Variants in PCYT1B observed in about 807,000 individuals in gnomAD.
PCYT1B encodes choline-phosphate cytidylyltransferase B.
In PCYT1B, 10 loss-of-function variants were observed where a neutral mutation model predicts 26.4. That is an observed-to-expected ratio of 0.38 (90% CI 0.23 to 0.64). The LOEUF is 0.64. PCYT1B is among the 30% of genes least tolerant of loss of function. The pLI is 0.56. For synonymous variants in PCYT1B, 131 were observed against 108.4 expected (o/e 1.21, Z -1.29); for missense variants, 161 against 292.7 (o/e 0.55, Z 3.28).
chrX:24,629,592 A>AAAAAAC (rs1491555900), intron 1 of PCYT1B, among the ~76,000 whole-genome samples: 3 of 91,549 alleles, frequency 3.3e-5, no homozygotes, highest in East Asian at 6.7e-4. Flanking sequence ...AAAAAAAAAC[A>AAAAAAC]ACACGTATTT....
chrX:24,576,927 T>C (rs1924035710), intron 6 of PCYT1B, among the ~76,000 whole-genome samples: 1 of 112,121 alleles, frequency 8.9e-6, no homozygotes, highest in Non-Finnish European at 1.9e-5. Flanking sequence ...TAGATGAGCA[T>C]ATGATGAGTT....
chrX:24,593,464 TC>T (rs1434620067), intron 3 of PCYT1B, among the ~76,000 whole-genome samples: 1 of 20,044 alleles, frequency 5.0e-5, no homozygotes, highest in Admixed American at 6.9e-4. Flanking sequence ...TCTTTTCTTT[TC>T]TTTTCTTTTC....
At chrX:24,594,757 G>C (rs747599982) in intron 3 of PCYT1B, among the ~76,000 whole-genome samples, 53 of 111,764 alleles carry the variant, frequency 4.7e-4, no homozygotes, top group Non-Finnish European at 8.1e-4. Context: ...GGAGAGCTCT[G>C]GGCAGCGGTA....
chrX:24,572,258 A>ACG (rs756755932), intron 7 of PCYT1B, among the ~76,000 whole-genome samples: 1 of 103,182 alleles, frequency 9.7e-6, no homozygotes, highest in African/African-American at 3.5e-5. Context: ...ACATACACAC[A>ACG]CGCGCGCGCA....
intron 1 of PCYT1B, among the ~76,000 whole-genome samples, chrX:24,656,640 T>C (rs1460196082): frequency 2.2e-5 from 2 of 91,053 alleles, no homozygotes; most frequent in Non-Finnish European, 4.2e-5. Context: ...CACTGCAGCC[T>C]CTGCCTTCCG....
chrX:24,633,895 AG>A (rs1446137238), intron 1 of PCYT1B, among the ~76,000 whole-genome samples: 2 of 110,894 alleles, frequency 1.8e-5, no homozygotes, highest in Non-Finnish European at 3.8e-5. Context: ...TAAGAAAAAA[AG>A]CTTTACAAAA....
intron 2 of PCYT1B, among the ~76,000 whole-genome samples, chrX:24,612,737 G>C (rs978099793): frequency 1.8e-5 from 2 of 112,244 alleles, no homozygotes; most frequent in African/African-American, 6.5e-5. Context: ...TTTGGCAGTT[G>C]TTTAAAAAGT....
intron 4 of PCYT1B, among the ~76,000 whole-genome samples, chrX:24,588,366 T>C (rs949382604): frequency 1.8e-5 from 2 of 111,514 alleles, no homozygotes; most frequent in Non-Finnish European, 3.8e-5. Flanking sequence ...TTTTTGTTTT[T>C]GTTTTTGTTT....
In PCYT1B at chrX:24,643,321, C is replaced by T. The variant is rs759703456; in HGVS notation, c.117+3668G>A. 7.2e-5 allele frequency among the ~76,000 whole-genome samples: 8 copies of T among 111,514 alleles called. No individual in the cohort carries two copies. The South Asian group carries it at 2.7e-3, about 37-fold the overall frequency. ...GGCTATTACATCATATCACCCAAGG[C>T]CACTCAGTTTCTCATCTTGACAGTC... is the stretch of plus-strand genomic sequence containing the variant. On this transcript the variant is annotated intron_variant, in intron 1 of 7. Coordinates refer to ENST00000379144, the MANE Select transcript of PCYT1B (RefSeq NM_004845.5).
chrX:24,571,500 T>TATCATCATCATCATCATC (rs59226167), intron 7 of PCYT1B, among the ~76,000 whole-genome samples: 12 of 105,409 alleles, frequency 1.1e-4, no homozygotes, highest in East Asian at 9.1e-4. Context: ...TCTTATTTAC[T>TATCATCATCATCATCATC]ATCATCATCA....
rs1434200548 is a variant in PCYT1B, at chrX:24,559,387, GA to G, written c.*2905del. ...GAAAGAAAGAAGGAAGAAAGAGAAA[GA>G]AAAAGAAAGAAAGAAAAAGAGGAAA... On this transcript the variant is annotated 3_prime_UTR_variant, in exon 8 of 8. Coordinates refer to ENST00000379144, the MANE Select transcript of PCYT1B (RefSeq NM_004845.5). 2 of 84,333 alleles carry G rather than the reference GA, an allele frequency of 2.4e-5. No individual in the cohort carries two copies. Among genetic ancestry groups the G allele is most frequent in the African/African-American group, 8.7e-5 (2 of 22,994 alleles). 6.9% of individuals were successfully genotyped at this position (84,333 alleles called of 1,213,427 possible).
intron 1 of PCYT1B, among the ~76,000 whole-genome samples, chrX:24,671,784 A>G (rs1417353598): frequency 9.0e-6 from 1 of 111,615 alleles, no homozygotes. Flanking sequence ...ACTTTGTCCC[A>G]CTGCCTAAAC....
chrX:24,656,229 C>CA (rs1555966018), intron 1 of PCYT1B, among the ~76,000 whole-genome samples: 1 of 43,966 alleles, frequency 2.3e-5, no homozygotes, highest in Non-Finnish European at 3.9e-5. Flanking sequence ...CAGGGGGTCG[C>CA]GGGGGGGGGT....
At chrX:24,590,534 G>A (rs187145038) in intron 3 of PCYT1B, among the ~76,000 whole-genome samples, 91 of 111,341 alleles carry the variant, frequency 8.2e-4, no homozygotes, top group African/African-American at 2.9e-3. Flanking sequence ...AGACACAGGA[G>A]GGAGAGAAGG....
intron 3 of PCYT1B, among the ~76,000 whole-genome samples, chrX:24,591,776 T>G (rs77066862): frequency 0.016 from 1,785 of 111,924 alleles, 18 homozygotes; most frequent in Middle Eastern, 0.027. Flanking sequence ...AAAATTTTAA[T>G]TGATGCATAA....
chrX:24,600,616 T>A (rs914073105), intron 3 of PCYT1B, among the ~76,000 whole-genome samples: 8 of 111,051 alleles, frequency 7.2e-5, no homozygotes, highest in African/African-American at 2.0e-4. Flanking sequence ...AGCAAAACCC[T>A]GTCTCTTAAA....
At chrX:24,629,592 A>AAAAC (rs1491555900) in intron 1 of PCYT1B, among the ~76,000 whole-genome samples, 3 of 91,549 alleles carry the variant, frequency 3.3e-5, no homozygotes, top group East Asian at 6.7e-4. Flanking sequence ...AAAAAAAAAC[A>AAAAC]ACACGTATTT....
At chrX:24,619,457 A>G (rs1484227470) in intron 1 of PCYT1B, among the ~76,000 whole-genome samples, 3 of 111,858 alleles carry the variant, frequency 2.7e-5, no homozygotes, top group Non-Finnish European at 5.6e-5. Flanking sequence ...ACTGAGGCTC[A>G]TTAGAGTTAA....
chrX:24,558,495 T>C lies in PCYT1B; in HGVS notation c.*3798A>G, dbSNP rs1923246968. ...CACATCTCTGCTAGAGACGGGCTCA[T>C]CTGCTTCAGCTGAGCCAGTGACACC... On this transcript the variant is annotated 3_prime_UTR_variant, in exon 8 of 8. Transcript: ENST00000379144. 1 of 109,782 alleles carries C rather than the reference T, an allele frequency of 9.1e-6. No homozygotes were observed. The highest frequency in any genetic ancestry group is 9.9e-5 in the Admixed American group (1 of 10,112). The allele number at this position is 109,782 out of a possible 1,213,427, so 9.0% of individuals were successfully genotyped here.
Sources: allele counts gnomAD v4.1 joint callset (sites outside exome capture counted in the v4.1 genomes callset), GRCh38; gene constraint gnomAD v4.1.1; transcripts MANE v1.5; gene names NCBI Gene and HGNC (gene_info 2026-07-23, HGNC 2026-07-21).